PDGFD: variants seen among roughly 807,000 people sequenced by gnomAD.
PDGFD encodes platelet derived growth factor D.
In PDGFD, 30 loss-of-function variants were observed where a neutral mutation model predicts 44.7. That is an observed-to-expected ratio of 0.67 (90% CI 0.50 to 0.91). The LOEUF (loss-of-function observed/expected upper bound fraction) is 0.91. Ranked by LOEUF, PDGFD falls within the 40% of genes least tolerant of loss-of-function variation. The pLI, the probability that PDGFD is intolerant of heterozygous loss-of-function variation, is 0.00. For missense variants in PDGFD, 445 were observed against 457.8 expected (o/e 0.97, Z 0.25); for synonymous variants, 173 against 168.4 (o/e 1.03, Z -0.21).
At chr11:104,061,647 T>A (rs1291915988) in intron 1 of PDGFD, among the ~76,000 whole-genome samples, 4 of 152,238 alleles carry the variant, frequency 2.6e-5, no homozygotes, top group Non-Finnish European at 5.9e-5. Context: ...TCTCTCTCTA[T>A]TATCCAGGCT....
At chr11:103,918,587 G>A (rs1799014236) in intron 6 of PDGFD, among the ~76,000 whole-genome samples, 1 of 152,138 alleles carries the variant, frequency 6.6e-6, no homozygotes, top group African/African-American at 2.4e-5. Flanking sequence ...CTGGTCTTCT[G>A]ATTGTTCAGG....
chr11:104,084,798 ATATTT>A (rs955482562), intron 1 of PDGFD, among the ~76,000 whole-genome samples: 2 of 146,510 alleles, frequency 1.4e-5, no homozygotes, highest in Non-Finnish European at 1.5e-5. Flanking sequence ...TATAAAATAT[ATATTT>A]TATAAGTATT....
chr11:104,158,465 G>T (rs1021078844), intron 1 of PDGFD, among the ~76,000 whole-genome samples: 1 of 152,228 alleles, frequency 6.6e-6, no homozygotes, highest in Non-Finnish European at 1.5e-5. Flanking sequence ...CAGGAACCAT[G>T]TGTGTTTCAT....
At chr11:103,969,443 G>A (rs901540728) in intron 3 of PDGFD, among the ~76,000 whole-genome samples, 20 of 140,862 alleles carry the variant, frequency 1.4e-4, no homozygotes, top group Admixed American at 7.1e-5. Flanking sequence ...CAGAAAGAGA[G>A]AAGTTACTAT....
chr11:103,940,326 T>A (rs1437733744), intron 5 of PDGFD, among the ~76,000 whole-genome samples: 1 of 152,164 alleles, frequency 6.6e-6, no homozygotes, highest in Non-Finnish European at 1.5e-5. Flanking sequence ...AAATGTCATC[T>A]TAGAATCCTG....
intron 5 of PDGFD, among the ~76,000 whole-genome samples, chr11:103,928,270 G>A (rs572698649): frequency 2.6e-4 from 40 of 152,334 alleles, no homozygotes; most frequent in African/African-American, 9.1e-4. Context: ...CAAGAACACA[G>A]TTAGAAGCAA....
At chr11:104,136,707 A>G (rs1265224002) in intron 1 of PDGFD, among the ~76,000 whole-genome samples, 2 of 152,230 alleles carry the variant, frequency 1.3e-5, no homozygotes, top group African/African-American at 4.8e-5. Flanking sequence ...TTCCAATAGT[A>G]AATAACATGG....
intron 1 of PDGFD, among the ~76,000 whole-genome samples, chr11:104,158,271 TG>T: frequency 6.6e-6 from 1 of 152,346 alleles, no homozygotes; most frequent in South Asian, 2.1e-4. Context: ...GCTATTCTGT[TG>T]AAGAAGGGGT....
chr11:104,104,822 C>A (rs1466022915), intron 1 of PDGFD, among the ~76,000 whole-genome samples: 2 of 152,134 alleles, frequency 1.3e-5, no homozygotes, highest in African/African-American at 4.8e-5. Context: ...TACTACCTAT[C>A]ACCAGAAACA....
chr11:103,924,296 A>T (rs1166798972), intron 6 of PDGFD, among the ~76,000 whole-genome samples: 3 of 152,222 alleles, frequency 2.0e-5, no homozygotes, highest in Non-Finnish European at 1.5e-5. Context: ...CACTTCCTAG[A>T]TTATTTTAAC....
intron 1 of PDGFD, among the ~76,000 whole-genome samples, chr11:104,056,954 C>T (rs1346465961): frequency 1.3e-5 from 2 of 152,016 alleles, no homozygotes; most frequent in South Asian, 4.1e-4. Flanking sequence ...ATGGTGAAAC[C>T]CCGTGTCTAC....
intron 1 of PDGFD, among the ~76,000 whole-genome samples, chr11:104,098,289 G>A (rs918207937): frequency 1.3e-5 from 2 of 152,108 alleles, no homozygotes; most frequent in Non-Finnish European, 1.5e-5. Flanking sequence ...TATTTGCTGG[G>A]CTTGAGGCTC....
intron 5 of PDGFD, among the ~76,000 whole-genome samples, chr11:103,937,304 G>A (rs1262286034): frequency 6.6e-6 from 1 of 151,950 alleles, no homozygotes; most frequent in Non-Finnish European, 1.5e-5. Flanking sequence ...TTCCCTCCTT[G>A]CCATTATGTC....
At chr11:104,039,647 AC>A (rs553174074) in intron 1 of PDGFD, among the ~76,000 whole-genome samples, 5 of 152,124 alleles carry the variant, frequency 3.3e-5, no homozygotes, top group Non-Finnish European at 7.4e-5. Context: ...TTTCTTTCCT[AC>A]TTTTGTTTGT....
rs562219730 is a variant in PDGFD, at chr11:104,102,096, A to G, written c.124+61708T>C. ...ACAAATGGGATCTAATTAAACTAAAAAGCTTCTGCACGGCAAAAGAAACTA... is the reference window on the plus strand; with the variant it reads ...ACAAATGGGATCTAATTAAACTAAAGAGCTTCTGCACGGCAAAAGAAACTA... On this transcript the variant is annotated intron_variant, in intron 1 of 6. Coordinates refer to ENST00000393158, the MANE Select transcript of PDGFD (RefSeq NM_025208.5). Among the ~76,000 whole-genome samples, 9 of 152,172 alleles carry G rather than the reference A, an allele frequency of 5.9e-5. No individual in the cohort carries two copies. In the East Asian group the frequency reaches 1.5e-3, roughly 26 times the overall value.
chr11:104,054,475 A>C (rs1458966233), intron 1 of PDGFD, among the ~76,000 whole-genome samples: 1 of 152,220 alleles, frequency 6.6e-6, no homozygotes, highest in Non-Finnish European at 1.5e-5. Flanking sequence ...ACAAAAACAC[A>C]TATGTGGGAA....
At chr11:104,103,223 C>T (rs1041607307) in intron 1 of PDGFD, among the ~76,000 whole-genome samples, 24 of 152,058 alleles carry the variant, frequency 1.6e-4, no homozygotes, top group East Asian at 5.8e-4. Flanking sequence ...TGAATTAATA[C>T]GTGAAGTACT....
intron 1 of PDGFD, among the ~76,000 whole-genome samples, chr11:104,128,876 GTTACCATTATTATTGCTGCTCATAATTC>G (rs1278687817): frequency 6.6e-6 from 1 of 152,048 alleles, no homozygotes; most frequent in East Asian, 1.9e-4. Context: ...TATTTTTGCT[GTTACCATTATTATTGCTGCTCATAATTC>G]TTAATTACAA....
intron 1 of PDGFD, among the ~76,000 whole-genome samples, chr11:104,162,799 C>A (rs1862409322): frequency 5.3e-5 from 8 of 152,074 alleles, no homozygotes; most frequent in Admixed American, 5.2e-4. Context: ...AAGCCATCAA[C>A]AATTGCTTGA....
Sources: gnomAD v4.1 joint callset for allele counts (sites outside exome capture counted in the v4.1 genomes callset) on GRCh38, gnomAD v4.1.1 for gene constraint, MANE v1.5 for transcripts, NCBI Gene and HGNC (gene_info 2026-07-23, HGNC 2026-07-21) for gene names.